The following PARD3B variants were observed in gnomAD, a reference collection of about 807,000 sequenced individuals.
PARD3B encodes the protein partitioning defective 3 homolog B.
Under a neutral mutation model 130.2 loss-of-function variants are expected in PARD3B, and 103 were observed. The observed-to-expected ratio is 0.79, with a 90% CI of 0.67 to 0.93. The LOEUF (loss-of-function observed/expected upper bound fraction) is 0.93, where lower values mean the gene tolerates loss of function less well. PARD3B is among the 40% of genes least tolerant of loss of function. The pLI is 0.00. For missense variants in PARD3B, 1,609 were observed against 1,499.2 expected (o/e 1.07, Z -1.21); for synonymous variants, 583 against 553.2 (o/e 1.05, Z -0.76).
intron 18 of PARD3B, among the ~76,000 whole-genome samples, chr2:205,380,459 T>TATAAAGAATATATATTATATATA (rs2045311650): frequency 2.2e-5 from 1 of 46,064 alleles, no homozygotes; most frequent in Non-Finnish European, 3.7e-5. Context: ...ATATATATAA[T>TATAAAGAATATATATTATATATA]ATATAAAGAA....
chr2:205,479,060 T>C (rs2049128501), intron 20 of PARD3B, among the ~76,000 whole-genome samples: 1 of 152,154 alleles, frequency 6.6e-6, no homozygotes, highest in Admixed American at 6.5e-5. Context: ...AACAATGAAC[T>C]GTCTGTGGAA....
At position 205,346,027 on chromosome 2, in the gene PARD3B, C is replaced by T. The variant is rs1034014083; in HGVS notation, c.2630+44326C>T. Among the ~76,000 whole-genome samples the T allele has an allele frequency of 7.1e-5, 9 of 126,176 alleles. 1 individual carries two copies. Among genetic ancestry groups the T allele is most frequent in the Admixed American group, 1.9e-4 (2 of 10,696 alleles). The allele number at this position is 126,176 out of a possible 152,430, so 82.8% of individuals were successfully genotyped here. A position where few individuals can be genotyped will look rare whatever the true frequency, so the allele number is the denominator to read the frequency against. On this transcript the variant is annotated intron_variant, in intron 18 of 22. Coordinates refer to ENST00000406610, the MANE Select transcript of PARD3B (RefSeq NM_001302769.2). ...CTCTACTAAAATACAAAAAATTAGC[C>T]GGGCGTGGTGGCGCACGCCTGTAGT...
chr2:205,317,829 G>A (rs1160334337), intron 18 of PARD3B, among the ~76,000 whole-genome samples: 1 of 152,090 alleles, frequency 6.6e-6, no homozygotes, highest in Non-Finnish European at 1.5e-5. Flanking sequence ...GAACTTTTCT[G>A]TTATCTGAGT....
At chr2:205,193,815 T>C (rs548601768) in intron 15 of PARD3B, among the ~76,000 whole-genome samples, 7 of 152,300 alleles carry the variant, frequency 4.6e-5, no homozygotes, top group African/African-American at 1.7e-4. Flanking sequence ...GCTTTTTAAA[T>C]GCCCATCCCC....
intron 20 of PARD3B, among the ~76,000 whole-genome samples, chr2:205,452,181 A>T (rs1326673406): frequency 6.6e-6 from 1 of 152,206 alleles, no homozygotes; most frequent in Non-Finnish European, 1.5e-5. Context: ...TCTCTTTGTC[A>T]CGACAGTTTG....
Position 205,590,251 on chromosome 2 carries a change from C to T in PARD3B, c.3261-25205C>T, listed in dbSNP as rs918578020. On this transcript the variant is annotated intron_variant, in intron 22 of 22. Transcript: ENST00000406610. The surrounding 1 kb of genome is among the most constrained non-coding windows in gnomAD (Gnocchi z 4.1). ...CTTCAGGTTCAGCTACCCAAGATCTCATAAAAGGCTGTCAGCACTTGGCTT... is the reference window on the plus strand; with the variant it reads ...CTTCAGGTTCAGCTACCCAAGATCTTATAAAAGGCTGTCAGCACTTGGCTT... 1.3e-5 allele frequency among the ~76,000 whole-genome samples: 2 copies of T among 152,164 alleles called. No homozygotes were observed. Among genetic ancestry groups the T allele is most frequent in the African/African-American group, 4.8e-5 (2 of 41,436 alleles).
chr2:204,955,625 G>A (rs538792061), intron 2 of PARD3B, among the ~76,000 whole-genome samples: 13 of 152,312 alleles, frequency 8.5e-5, no homozygotes, highest in African/African-American at 2.9e-4. Flanking sequence ...TATAAAGTCA[G>A]TTGTACTTCA....
At chr2:204,767,233 A>G (rs1184530713) in intron 2 of PARD3B, among the ~76,000 whole-genome samples, 2 of 50,026 alleles carry the variant, frequency 4.0e-5, no homozygotes, top group East Asian at 1.1e-3. Context: ...CCCACCTATG[A>G]GTGAGAATAT....
chr2:204,599,939 AG>A lies in PARD3B; in HGVS notation c.120+53822del, dbSNP rs2033443837. ...TTTGATTTGCATTTCCCTCATGAGT[AG>A]GATGTTAAGCATTTTTTCACATATT... is the stretch of plus-strand genomic sequence containing the variant. On this transcript the variant is annotated intron_variant, in intron 1 of 22. Coordinates refer to ENST00000406610, the MANE Select transcript of PARD3B (RefSeq NM_001302769.2). Among the ~76,000 whole-genome samples, 3 of 151,990 alleles carry A rather than the reference AG, an allele frequency of 2.0e-5. No homozygotes were observed. The South Asian group carries it at 6.2e-4, about 32-fold the overall frequency.
intron 1 of PARD3B, among the ~76,000 whole-genome samples, chr2:204,596,944 G>C (rs1243519840): frequency 4.9e-4 from 74 of 149,890 alleles, no homozygotes; most frequent in African/African-American, 1.6e-3. Context: ...CTCTCTATCT[G>C]TCTCTCTCTC....
At chr2:205,474,380 C>T (rs1015009614) in intron 20 of PARD3B, among the ~76,000 whole-genome samples, 1 of 151,986 alleles carries the variant, frequency 6.6e-6, no homozygotes, top group South Asian at 2.1e-4. Flanking sequence ...TAAAATATAT[C>T]ATTTGTGCAT....
intron 1 of PARD3B, among the ~76,000 whole-genome samples, chr2:204,676,666 GTTTTTT>G (rs59424538): frequency 1.1e-5 from 1 of 92,328 alleles, no homozygotes; most frequent in Non-Finnish European, 2.2e-5. Context: ...CTCTATGATT[GTTTTTT>G]TTTTTTTTTT....
intron 18 of PARD3B, among the ~76,000 whole-genome samples, chr2:205,393,518 G>A (rs1021733417): frequency 2.0e-5 from 3 of 152,208 alleles, no homozygotes; most frequent in African/African-American, 7.2e-5. Flanking sequence ...GACGTTTCCT[G>A]ATAGGAGAAG....
chr2:204,796,600 A>G (rs1052570026), intron 2 of PARD3B, among the ~76,000 whole-genome samples: 3 of 152,220 alleles, frequency 2.0e-5, no homozygotes, highest in Non-Finnish European at 2.9e-5. Flanking sequence ...TCTCATTGCC[A>G]AAATTCAGAC....
intron 16 of PARD3B, among the ~76,000 whole-genome samples, chr2:205,282,130 C>T (rs2041214040): frequency 2.0e-5 from 3 of 151,702 alleles, no homozygotes; most frequent in Admixed American, 2.0e-4. Context: ...GAGAAAAATC[C>T]AAGATATAAA....
intron 18 of PARD3B, among the ~76,000 whole-genome samples, chr2:205,394,712 C>T (rs1057139021): frequency 2.2e-4 from 34 of 152,262 alleles, no homozygotes; most frequent in African/African-American, 7.7e-4. Flanking sequence ...TCCTGAAGAC[C>T]TTCTACTAGG....
chr2:204,545,797 C>T lies in PARD3B; in HGVS notation c.-203C>T. The T allele has an allele frequency of 2.0e-6, 1 of 506,836 alleles. No individual in the cohort carries two copies. The highest frequency in any genetic ancestry group is 3.3e-6 in the Non-Finnish European group (1 of 305,802). The allele number at this position is 506,836 out of a possible 1,614,324, so 31.4% of individuals were successfully genotyped here. On this transcript the variant is annotated 5_prime_UTR_variant, in exon 1 of 23. Transcript: ENST00000406610. ...CCTGGGAGGTAACCCCTTTCCGCGG[C>T]CGCCCCTCCCCGATTCCCGCCACCT...
intron 16 of PARD3B, among the ~76,000 whole-genome samples, chr2:205,298,446 T>G (rs2041871808): frequency 6.6e-6 from 1 of 152,002 alleles, no homozygotes; most frequent in Non-Finnish European, 1.5e-5. Context: ...ATATCCTCAG[T>G]ATTTATGACT....
At chr2:204,977,834 A>G (rs1194981667) in intron 3 of PARD3B, among the ~76,000 whole-genome samples, 1 of 150,222 alleles carries the variant, frequency 6.7e-6, no homozygotes, top group African/African-American at 2.5e-5. Flanking sequence ...AAAAAAAAAA[A>G]GAATAGGGAG....
Sources: gnomAD v4.1 joint callset for allele counts (sites outside exome capture counted in the v4.1 genomes callset) on GRCh38, gnomAD v4.1.1 for gene constraint, Gnocchi (gnomAD v3.1) non-coding constraint, MANE v1.5 for transcripts, NCBI Gene and HGNC (gene_info 2026-07-23, HGNC 2026-07-21) for gene names.